The following ARL15 variants were observed in gnomAD, a reference collection of about 807,000 sequenced individuals.
ARL15 encodes ARF like GTPase 15.
A neutral mutation model predicts 25.2 loss-of-function variants in ARL15; 19 were observed. That is an observed-to-expected ratio of 0.75 (90% CI 0.53 to 1.10). The LOEUF is 1.10. Among genes scored for constraint, ARL15 ranks in the 50% least tolerant of loss-of-function variants. The pLI is 0.00. For missense variants in ARL15, 220 were observed against 246.0 expected (o/e 0.89, Z 0.71); for synonymous variants, 94 against 86.8 (o/e 1.08, Z -0.46).
chr5:54,101,446 C>T (rs1752435962), intron 4 of ARL15, among the ~76,000 whole-genome samples: 1 of 151,292 alleles, frequency 6.6e-6, no homozygotes, highest in East Asian at 2.0e-4. Context: ...TCAGTCATTG[C>T]TTCAACAAAA....
intron 4 of ARL15, among the ~76,000 whole-genome samples, chr5:54,038,577 G>A (rs1452606576): frequency 6.6e-6 from 1 of 151,988 alleles, no homozygotes; most frequent in Admixed American, 6.6e-5. Context: ...TAATTGAACA[G>A]TGAAATAAAC....
At chr5:54,041,818 C>CT (rs936215949) in intron 4 of ARL15, among the ~76,000 whole-genome samples, 2 of 152,180 alleles carry the variant, frequency 1.3e-5, no homozygotes, top group Non-Finnish European at 2.9e-5. Flanking sequence ...TCAGGGAACT[C>CT]TGAGTTGCAG....
At chr5:54,089,605 A>C (rs908750103) in intron 4 of ARL15, among the ~76,000 whole-genome samples, 2 of 152,184 alleles carry the variant, frequency 1.3e-5, no homozygotes, top group African/African-American at 4.8e-5. Context: ...ATCACACTTA[A>C]AGGAAAAATG....
At chr5:53,934,459 C>T (rs961161794) in intron 4 of ARL15, among the ~76,000 whole-genome samples, 2 of 151,952 alleles carry the variant, frequency 1.3e-5, no homozygotes, top group Admixed American at 1.3e-4. Flanking sequence ...AACCTGGCTA[C>T]GCAGAGCTCT....
At chr5:53,932,101 T>C (rs770949744) in intron 4 of ARL15, among the ~76,000 whole-genome samples, 5 of 152,242 alleles carry the variant, frequency 3.3e-5, no homozygotes, top group Non-Finnish European at 7.3e-5. Flanking sequence ...CTGGCATTTG[T>C]ATTAACTTGA....
intron 1 of ARL15, among the ~76,000 whole-genome samples, chr5:54,272,019 G>A (rs1757799145): frequency 6.7e-6 from 1 of 149,614 alleles, no homozygotes; most frequent in South Asian, 2.1e-4. Flanking sequence ...TCATAACTTG[G>A]TGCAGCCTCA....
intron 1 of ARL15, among the ~76,000 whole-genome samples, chr5:54,176,544 C>A (rs938494509): frequency 1.3e-5 from 2 of 152,202 alleles, no homozygotes; most frequent in African/African-American, 4.8e-5. Context: ...GCAGCTCTTG[C>A]ATTGTTAAGA....
chr5:53,943,476 C>G (rs961892098), intron 4 of ARL15, among the ~76,000 whole-genome samples: 2 of 152,112 alleles, frequency 1.3e-5, no homozygotes, highest in Middle Eastern at 3.4e-3. Flanking sequence ...AATTTGGGGC[C>G]CCTTGAGCCT....
chr5:54,283,977 G>A (rs1758124610), intron 1 of ARL15, among the ~76,000 whole-genome samples: 2 of 152,180 alleles, frequency 1.3e-5, no homozygotes. Flanking sequence ...CTTGGGTTGT[G>A]ACGGCACAAT....
chr5:54,059,732 T>C (rs1372598626), intron 4 of ARL15, among the ~76,000 whole-genome samples: 2 of 152,210 alleles, frequency 1.3e-5, no homozygotes, highest in Non-Finnish European at 2.9e-5. Flanking sequence ...ATTATTCTTA[T>C]TGTGTAGTTA....
intron 4 of ARL15, among the ~76,000 whole-genome samples, chr5:53,920,651 T>TAATTAATA (rs1554026547): frequency 2.8e-5 from 4 of 141,160 alleles, no homozygotes; most frequent in East Asian, 2.1e-4. Context: ...TATTAAAAAA[T>TAATTAATA]AATAAATAAA....
At chr5:53,947,170 GTGTGTGTGTGTGT>G (rs1746771274) in intron 4 of ARL15, among the ~76,000 whole-genome samples, 6 of 45,434 alleles carry the variant, frequency 1.3e-4, no homozygotes, top group East Asian at 7.7e-4. Flanking sequence ...AAATAAGGGT[GTGTGTGTGTGTGT>G]GTGTGTGTGT....
intron 4 of ARL15, among the ~76,000 whole-genome samples, chr5:53,950,161 GC>G (rs1054134635): frequency 3.3e-5 from 5 of 152,088 alleles, no homozygotes; most frequent in Admixed American, 6.5e-5. Context: ...GGGCATGGTG[GC>G]TCATGCCTGT....
At chr5:53,946,255 A>G (rs892847642) in intron 4 of ARL15, among the ~76,000 whole-genome samples, 1 of 152,060 alleles carries the variant, frequency 6.6e-6, no homozygotes, top group Non-Finnish European at 1.5e-5. Flanking sequence ...AGAGTTTGAG[A>G]CCAGCCTGGC....
intron 3 of ARL15, among the ~76,000 whole-genome samples, chr5:54,141,418 G>A (rs1753778688): frequency 6.6e-6 from 1 of 151,642 alleles, no homozygotes; most frequent in African/African-American, 2.4e-5. Flanking sequence ...ATTTTCATTG[G>A]AAAGCAATCC....
intron 4 of ARL15, among the ~76,000 whole-genome samples, chr5:54,035,246 C>T (rs746214625): frequency 1.3e-5 from 2 of 152,082 alleles, no homozygotes; most frequent in Non-Finnish European, 2.9e-5. Flanking sequence ...ACATTAAGAA[C>T]TCAATCCCAG....
At chr5:54,128,195 T>A (rs1753320009) in intron 3 of ARL15, among the ~76,000 whole-genome samples, 1 of 152,354 alleles carries the variant, frequency 6.6e-6, no homozygotes, top group East Asian at 1.9e-4. Flanking sequence ...TATGACCTTG[T>A]GAAGCCTTCC....
chr5:54,172,807 C>A (rs767403772), intron 1 of ARL15, among the ~76,000 whole-genome samples: 1 of 152,294 alleles, frequency 6.6e-6, no homozygotes, highest in Non-Finnish European at 1.5e-5. Flanking sequence ...TTTTTAAAAT[C>A]ATTAAATAGA....
intron 4 of ARL15, among the ~76,000 whole-genome samples, chr5:53,975,529 A>C (rs949793602): frequency 2.0e-5 from 3 of 152,238 alleles, no homozygotes; most frequent in African/African-American, 7.2e-5. Flanking sequence ...AAGCAGCAGC[A>C]TGCAAAGGAC....
Sources: gnomAD v4.1 joint callset for allele counts (sites outside exome capture counted in the v4.1 genomes callset) on GRCh38, gnomAD v4.1.1 for gene constraint, MANE v1.5 for transcripts, NCBI Gene and HGNC (gene_info 2026-07-23, HGNC 2026-07-21) for gene names.